The following JMJD1C variants were observed in gnomAD, a reference collection of about 807,000 sequenced individuals.
JMJD1C encodes the protein jumonji domain containing 1C.
Under a neutral mutation model 245.3 loss-of-function variants are expected in JMJD1C, and 31 were observed. That is an observed-to-expected ratio of 0.13 (90% CI 0.09 to 0.17). The LOEUF is 0.17. Among genes scored for constraint, JMJD1C ranks in the 10% least tolerant of loss-of-function variants. The pLI is 1.00. For missense variants in JMJD1C, 2,691 were observed against 3,000.2 expected (o/e 0.90, Z 2.41); for synonymous variants, 1,057 against 1,017.4 (o/e 1.04, Z -0.74).
intron 1 of JMJD1C, among the ~76,000 whole-genome samples, chr10:63,429,554 G>A (rs1950629094): frequency 1.3e-5 from 2 of 152,184 alleles, no homozygotes; most frequent in African/African-American, 4.8e-5. Flanking sequence ...AAAACGAGTT[G>A]CTTTGATACA....
chr10:63,207,743 G>A lies in JMJD1C; in HGVS notation c.3926C>T (p.Pro1309Leu). Residue 1309 changes from proline (P) to leucine (L), a missense_variant, in exon 10 of 26, where the codon CCA (proline) becomes CTA (leucine). Physicochemically the swap from Pro to Leu is moderately conservative, Grantham distance 98. Coordinates refer to ENST00000399262, the MANE Select transcript of JMJD1C (RefSeq NM_032776.3). ...QAAMASVIVR[P>L]SSSTKTDSMP... is the part of the protein sequence containing the mutation. ...ACTATCAGTTTTTGTACTAGAAGAT[G>A]GACGCACAATGACAGATGCCATAGC... 1 of 1,614,166 alleles carries A rather than the reference G, an allele frequency of 6.2e-7. No individual in the cohort carries two copies. Among genetic ancestry groups the A allele is most frequent in the Non-Finnish European group, 8.5e-7 (1 of 1,180,012 alleles).
intron 3 of JMJD1C, among the ~76,000 whole-genome samples, chr10:63,250,496 G>A (rs1314322068): frequency 6.6e-6 from 1 of 152,104 alleles, no homozygotes. Flanking sequence ...AGCCAGGGTA[G>A]AGCCTCACAA....
At chr10:63,313,435 C>T (rs575833140) in intron 2 of JMJD1C, among the ~76,000 whole-genome samples, 92 of 152,230 alleles carry the variant, frequency 6.0e-4, no homozygotes, top group African/African-American at 2.1e-3. Flanking sequence ...CATATAATGA[C>T]TACTTTTCCT....
chr10:63,198,911 A>AT (rs1564591140), intron 11 of JMJD1C, among the ~76,000 whole-genome samples, 184 bp from the exon 12 acceptor site: 1 of 152,206 alleles, frequency 6.6e-6, no homozygotes, highest in Non-Finnish European at 1.5e-5. Flanking sequence ...CTCAGGTGTT[A>AT]TGCAAATGGC....
intron 1 of JMJD1C, chr10:63,427,269 A>C: frequency 4.9e-6 from 1 of 203,216 alleles, no homozygotes; most frequent in Non-Finnish European, 1.0e-5. Context: ...TGGTCCCAGG[A>C]ACTCTGGAGC....
chr10:63,230,287 C>T (rs751181636), intron 3 of JMJD1C, among the ~76,000 whole-genome samples: 25 of 151,548 alleles, frequency 1.6e-4, no homozygotes, highest in Non-Finnish European at 2.7e-4. Flanking sequence ...CAGGAGAATC[C>T]GTTGAACCTG....
Position 63,207,800 on chromosome 10 carries a change from T to C in JMJD1C, c.3869A>G (p.His1290Arg), listed in dbSNP as rs1318617288. 5 of 1,614,080 alleles carry C rather than the reference T, an allele frequency of 3.1e-6. No individual in the cohort carries two copies. The Admixed American group carries it at 5.0e-5, about 16-fold the overall frequency. ...TAACTTTCCGCTGCTTTTCTCCACA[T>C]GCCATTCAGTTTTCTCTTTGCTGAG... ...NNLSKEKTEW[H>R]VEKSSGKLQA... Residue 1290 changes from histidine to arginine, a missense_variant, in exon 10 of 26, where the codon CAT (histidine) becomes CGT (arginine). Transcript: ENST00000399262.
chr10:63,507,540 G>A (rs1047138071), intron 1 of JMJD1C, among the ~76,000 whole-genome samples: 1 of 150,030 alleles, frequency 6.7e-6, no homozygotes, highest in Non-Finnish European at 1.5e-5. Context: ...AGCTACTCGG[G>A]AGACTGAGGC....
intron 2 of JMJD1C, among the ~76,000 whole-genome samples, chr10:63,313,021 T>C (rs528204683): frequency 6.6e-6 from 1 of 152,146 alleles, no homozygotes; most frequent in African/African-American, 2.4e-5. Flanking sequence ...TAGCGGTGAT[T>C]TGTGGGATTT....
At chr10:63,182,052 A>G (rs1843555705) in intron 22 of JMJD1C, among the ~76,000 whole-genome samples, 1 of 152,202 alleles carries the variant, frequency 6.6e-6, no homozygotes, top group Admixed American at 6.5e-5. Context: ...GTGTATTATA[A>G]AATTGTCAAA....
chr10:63,482,675 T>C (rs1207249115), intron 1 of JMJD1C, among the ~76,000 whole-genome samples: 1 of 152,066 alleles, frequency 6.6e-6, no homozygotes, highest in African/African-American at 2.4e-5. Context: ...GACCCCAAAC[T>C]TGAGCTACAT....
Position 63,245,039 on chromosome 10 carries a change from A to C in JMJD1C, c.447+19612T>G, listed in dbSNP as rs544146279. ...GTAATCCTAGCTATTCGGGAGGCTG[A>C]GGCATGAGAACCTGAACCCAAGAGG... On this transcript the variant is annotated intron_variant, in intron 3 of 25. Transcript: ENST00000399262. Among the ~76,000 whole-genome samples the C allele has an allele frequency of 2.4e-4, 36 of 147,296 alleles. 2 individuals carry two copies. The highest frequency in any genetic ancestry group is 4.9e-4 in the Admixed American group (7 of 14,356).
chr10:63,314,043 T>C (rs1233186019), intron 2 of JMJD1C, among the ~76,000 whole-genome samples: 1 of 152,246 alleles, frequency 6.6e-6, no homozygotes, highest in Non-Finnish European at 1.5e-5. Context: ...TCTAGAATTG[T>C]TAGTTTCAGA....
intron 3 of JMJD1C, among the ~76,000 whole-genome samples, chr10:63,244,825 G>A (rs1851963302): frequency 7.1e-6 from 1 of 140,326 alleles, no homozygotes; most frequent in African/African-American, 2.6e-5. Flanking sequence ...AAAGGGGGGG[G>A]GAGGGGGGAG....
chr10:63,267,062 T>G (rs973100497), intron 2 of JMJD1C, among the ~76,000 whole-genome samples: 5 of 152,184 alleles, frequency 3.3e-5, no homozygotes, highest in Non-Finnish European at 7.4e-5. Flanking sequence ...CTAAGAAAAC[T>G]AGCTGACAAT....
chr10:63,185,808 G>A (rs1001156296), intron 19 of JMJD1C, among the ~76,000 whole-genome samples, 155 bp from the exon 20 acceptor site: 2 of 151,908 alleles, frequency 1.3e-5, no homozygotes, highest in Non-Finnish European at 2.9e-5. Context: ...ATGTACTTAT[G>A]TAGTATTAAA....
intron 1 of JMJD1C, among the ~76,000 whole-genome samples, chr10:63,505,695 A>T (rs1954697253): frequency 6.6e-6 from 1 of 152,014 alleles, no homozygotes; most frequent in Admixed American, 6.6e-5. Flanking sequence ...ATCACAGAAG[A>T]TTTGAGCATA....
intron 2 of JMJD1C, among the ~76,000 whole-genome samples, chr10:63,367,157 G>A (rs1945910609): frequency 6.6e-6 from 1 of 152,138 alleles, no homozygotes; most frequent in Non-Finnish European, 1.5e-5. Flanking sequence ...GAGGTTGAGT[G>A]GACCAATGAG....
intron 4 of JMJD1C, among the ~76,000 whole-genome samples, chr10:63,219,237 G>A (rs571571889): frequency 6.6e-6 from 1 of 152,110 alleles, no homozygotes; most frequent in Non-Finnish European, 1.5e-5. Flanking sequence ...TTAATGGCAT[G>A]GAAGTTGACG....
Sources: gnomAD v4.1 joint callset for allele counts (sites outside exome capture counted in the v4.1 genomes callset) on GRCh38, gnomAD v4.1.1 for gene constraint, MANE v1.5 for transcripts, NCBI Gene and HGNC (gene_info 2026-07-23, HGNC 2026-07-21) for gene names.